PGM3: variants seen among roughly 807,000 people sequenced by gnomAD.
PGM3 encodes phosphoacetylglucosamine mutase.
In PGM3, 40 loss-of-function variants were observed where a neutral mutation model predicts 66.2. The observed-to-expected ratio is 0.60, with a 90% confidence interval of 0.47 to 0.79. The LOEUF (loss-of-function observed/expected upper bound fraction) is 0.79, where lower values mean the gene tolerates loss of function less well. Ranked by LOEUF, PGM3 falls within the 30% of genes least tolerant of loss-of-function variation. The pLI, the probability that PGM3 is intolerant of heterozygous loss-of-function variation, is 0.00. For synonymous variants in PGM3, 191 were observed against 224.2 expected, an observed-to-expected ratio of 0.85 and a Z score of 1.32; for missense variants, 537 against 643.4, an observed-to-expected ratio of 0.83 and a Z score of 1.79.
At chr6:83,183,082 G>A in intron 4 of PGM3, 104 bp from the exon 5 acceptor site, 4 of 1,026,940 alleles carry the variant, frequency 3.9e-6, no homozygotes, top group Non-Finnish European at 5.8e-6. Flanking sequence ...ATCCTTTTGT[G>A]TCATCTCAGA....
the PGM3 span, chr6:83,154,283 T>C: frequency 6.4e-7 from 1 of 1,552,088 alleles, no homozygotes; most frequent in African/African-American, 1.4e-5. Flanking sequence ...TTCCTGTACA[T>C]GGTTCCTTCT....
At chr6:83,164,786 A>G (rs1416787365), downstream of PGM3, 3 of 1,329,270 alleles carry the variant, frequency 2.3e-6, no homozygotes, top group African/African-American at 2.9e-5. Flanking sequence ...ACACAAACCC[A>G]GGTCTGAATG....
In PGM3 at chr6:83,168,362, C is replaced by T. The variant is rs1310291089; in HGVS notation, c.*872G>A. 1.4e-6 allele frequency: 2 copies of T among 1,392,348 alleles called. No individual in the cohort carries two copies. The highest frequency in any genetic ancestry group is 3.2e-5 in the South Asian group (2 of 61,812). 86.2% of individuals were successfully genotyped at this position (1,392,348 alleles called of 1,614,324 possible). A position where few individuals can be genotyped will look rare whatever the true frequency, so the allele number is the denominator to read the frequency against. On this transcript the variant is annotated 3_prime_UTR_variant, in exon 13 of 13. Transcript: ENST00000513973. ...CAAGTTTAAATATTGTTGGCTCATACTGATTATGGTGCCTAAGAGAGCTAT... is the reference window on the plus strand; with the variant it reads ...CAAGTTTAAATATTGTTGGCTCATATTGATTATGGTGCCTAAGAGAGCTAT...
the PGM3 span, chr6:83,153,404 T>G: frequency 1.6e-6 from 1 of 610,082 alleles, no homozygotes; most frequent in East Asian, 3.1e-5. Flanking sequence ...ATTTTAGATT[T>G]TTCTAATTTT....
At chr6:83,189,887 T>C (rs1788912365) in intron 2 of PGM3, among the ~76,000 whole-genome samples, 1 of 152,152 alleles carries the variant, frequency 6.6e-6, no homozygotes. Flanking sequence ...GCCAGACACA[T>C]GAAGACAAAT....
chr6:83,167,906 G>A lies in PGM3; in HGVS notation c.*1328C>T, dbSNP rs749572060. 2 of 1,613,640 alleles carry A rather than the reference G, an allele frequency of 1.2e-6. No homozygotes were observed. Among genetic ancestry groups the A allele is most frequent in the Non-Finnish European group, 8.5e-7 (1 of 1,179,778 alleles). The stretch of plus-strand genomic sequence containing the variant: ...ACTCAGGGAGAACATTGGGTTGGGA[G>A]CCAGGGCACTTGCTGCTCACCATCT... On this transcript the variant is annotated 3_prime_UTR_variant, in exon 13 of 13. Coordinates refer to ENST00000513973, the MANE Select transcript of PGM3 (RefSeq NM_015599.3).
Position 83,166,726 on chromosome 6 carries a change from A to G in PGM3, c.*2508T>C, listed in dbSNP as rs1372284785. Reference sequence around the variant, plus strand: ...GGATTTTACTTTAAAATAAGCAATAAGCTTGAGAGCACATAGAAGAAAATA... The same window carrying G: ...GGATTTTACTTTAAAATAAGCAATAGGCTTGAGAGCACATAGAAGAAAATA... On this transcript the variant is annotated 3_prime_UTR_variant, in exon 13 of 13. Transcript: ENST00000513973. The G allele has an allele frequency of 8.4e-7, 1 of 1,184,136 alleles. No individual in the cohort carries two copies. Among genetic ancestry groups the G allele is most frequent in the Non-Finnish European group, 1.0e-6 (1 of 957,958 alleles). 73.4% of individuals were successfully genotyped at this position (1,184,136 alleles called of 1,614,324 possible).
chr6:83,173,941 T>G (rs756002188), intron 10 of PGM3, among the ~76,000 whole-genome samples: 3 of 152,154 alleles, frequency 2.0e-5, no homozygotes, highest in Non-Finnish European at 4.4e-5. Context: ...TTTCACCCTG[T>G]TAGCCAGGAG....
At chr6:83,158,386 A>AT (rs1783346561), downstream of PGM3, among the ~76,000 whole-genome samples, 1 of 152,208 alleles carries the variant, frequency 6.6e-6, no homozygotes, top group Non-Finnish European at 1.5e-5. Context: ...TCACCAAATG[A>AT]TTAGCAAGGC....
chr6:83,152,861 G>A, the PGM3 span, among the ~76,000 whole-genome samples: 1 of 151,884 alleles, frequency 6.6e-6, no homozygotes, highest in East Asian at 1.9e-4. Flanking sequence ...CAGGTAATCC[G>A]CCCACCTCGG....
Position 83,188,771 on chromosome 6 carries a change from G to C in PGM3, c.232C>G (p.Pro78Ala). 1 of 1,613,956 alleles carries C rather than the reference G, an allele frequency of 6.2e-7. No homozygotes were observed. The highest frequency in any genetic ancestry group is 8.5e-7 in the Non-Finnish European group (1 of 1,179,970). The part of the protein sequence containing the change: ...EEDNGVKLVD[P>A]LGEMLAPSWE... ...GATGGTGCCAACATTTCACCCAAAG[G>C]ATCAACCAATTTTACACCATTGTCT... Residue 78 changes from proline (P) to alanine (A), a missense_variant, in exon 3 of 13, where the codon CCT becomes GCT. Coordinates refer to ENST00000513973, the MANE Select transcript of PGM3 (RefSeq NM_015599.3).
the PGM3 span, chr6:83,151,874 T>C: frequency 6.2e-7 from 1 of 1,611,740 alleles, no homozygotes; most frequent in South Asian, 1.1e-5. Context: ...TTCTTCCTTA[T>C]TTTTTTAGGA....
intron 4 of PGM3, among the ~76,000 whole-genome samples, chr6:83,186,050 C>T (rs1229967933): frequency 6.6e-6 from 1 of 152,098 alleles, no homozygotes; most frequent in Non-Finnish European, 1.5e-5. Flanking sequence ...ATCACAGCCC[C>T]CTCTGAGTAT....
downstream of PGM3, chr6:83,164,792 G>C (rs1785060515): frequency 1.6e-6 from 2 of 1,268,818 alleles, no homozygotes; most frequent in Admixed American, 2.2e-5. Context: ...ACCCAGGTCT[G>C]AATGTCAACA....
chr6:83,164,805 T>A, downstream of PGM3: 1 of 1,084,270 alleles, frequency 9.2e-7, no homozygotes, highest in Non-Finnish European at 1.3e-6. Flanking sequence ...TGTCAACAAG[T>A]ACAAGGGAGG....
intron 10 of PGM3, 24 bp downstream of exon 10, chr6:83,174,350 G>A: frequency 2.6e-6 from 3 of 1,162,978 alleles, no homozygotes; most frequent in South Asian, 1.2e-5. Context: ...GTAACCAAGA[G>A]TCCACTGCCC....
At chr6:83,157,274 C>A (rs1208344969), downstream of PGM3, 7 of 1,613,774 alleles carry the variant, frequency 4.3e-6, no homozygotes, top group Admixed American at 1.0e-4. Flanking sequence ...AAGAATGTCT[C>A]CCCAACATCT....
the PGM3 span, chr6:83,148,908 T>C: frequency 1.7e-6 from 2 of 1,172,064 alleles, no homozygotes; most frequent in Non-Finnish European, 2.4e-6. Context: ...AGGATAATGT[T>C]AATTGTCCTA....
Position 83,166,951 on chromosome 6 carries a change from G to C in PGM3, c.*2283C>G. 1.0e-6 allele frequency: 1 copy of C among 986,340 alleles called. No homozygotes were observed. The highest frequency in any genetic ancestry group is 1.2e-6 in the Non-Finnish European group (1 of 830,682). 61.1% of individuals were successfully genotyped at this position (986,340 alleles called of 1,614,324 possible). A position where few individuals can be genotyped will look rare whatever the true frequency, so the allele number is the denominator to read the frequency against. ...ATTGCTTATTTTCATTCTTTAGTGT[G>C]GAATTGTATCTGTGATTCTGCCCAA... On this transcript the variant is annotated 3_prime_UTR_variant, in exon 13 of 13. Coordinates refer to ENST00000513973, the MANE Select transcript of PGM3 (RefSeq NM_015599.3).
Sources: allele counts gnomAD v4.1 joint callset (sites outside exome capture counted in the v4.1 genomes callset), GRCh38; gene constraint gnomAD v4.1.1; transcripts MANE v1.5; gene names NCBI Gene and HGNC (gene_info 2026-07-23, HGNC 2026-07-21).